Variants in CTNNA2 observed in about 807,000 individuals in gnomAD.
CTNNA2 encodes catenin alpha-2.
CTNNA2 carries 42 observed loss-of-function variants against 101.0 expected under a neutral mutation model. The ratio of observed to expected loss-of-function variants is 0.42; its 90% CI spans 0.32 to 0.54. The LOEUF (loss-of-function observed/expected upper bound fraction) is 0.54. CTNNA2 is among the 20% of genes least tolerant of loss of function. CTNNA2 has a pLI of 0.14. For synonymous variants in CTNNA2, 450 were observed against 456.4 expected (o/e 0.99, Z 0.18); for missense variants, 871 against 1,223.1 (o/e 0.71, Z 4.29).
At chr2:79,535,202 T>A (rs1043877561) in intron 1 of CTNNA2, among the ~76,000 whole-genome samples, 2 of 152,146 alleles carry the variant, frequency 1.3e-5, no homozygotes, top group Non-Finnish European at 2.9e-5. Context: ...AATAAACTAT[T>A]TTTCAATGAA....
At chr2:79,466,978 C>A (rs1326136382) in intron 4 of CTNNA2, among the ~76,000 whole-genome samples, 1 of 152,228 alleles carries the variant, frequency 6.6e-6, no homozygotes, top group Non-Finnish European at 1.5e-5. Context: ...GCCTCTCCCC[C>A]TCCAAAGGAA....
chr2:79,209,974 G>A (rs1357878999), intron 2 of CTNNA2, among the ~76,000 whole-genome samples: 1 of 151,878 alleles, frequency 6.6e-6, no homozygotes, highest in East Asian at 1.9e-4. Context: ...GTGTTGGGGG[G>A]GCGGGGGTGT....
chr2:79,664,661 A>G lies in CTNNA2; in HGVS notation c.102+13003A>G, dbSNP rs945394146. On this transcript the variant is annotated intron_variant, in intron 2 of 18. Transcript: ENST00000402739. ...TTGTTATTGTAGTTTCATCTCTGAA[A>G]CCATATATTGCTAATTTGTAAATTC... 7.3e-5 allele frequency among the ~76,000 whole-genome samples: 11 copies of G among 151,314 alleles called. No homozygotes were observed. The East Asian group carries it at 2.1e-3, about 29-fold the overall frequency.
At chr2:79,721,678 G>A (rs1315254822) in intron 2 of CTNNA2, among the ~76,000 whole-genome samples, 1 of 152,158 alleles carries the variant, frequency 6.6e-6, no homozygotes, top group Non-Finnish European at 1.5e-5. Flanking sequence ...CACTTTCTTT[G>A]TAATTGGTAC....
At chr2:80,187,122 G>T (rs1455853428) in intron 7 of CTNNA2, among the ~76,000 whole-genome samples, 1 of 152,128 alleles carries the variant, frequency 6.6e-6, no homozygotes, top group Non-Finnish European at 1.5e-5. Context: ...TGGTATTGTA[G>T]TACACACATT....
Position 80,133,737 on chromosome 2 carries a change from C to T in CTNNA2, c.1056+223940C>T, listed in dbSNP as rs985590163. Among the ~76,000 whole-genome samples the T allele has an allele frequency of 3.9e-5, 6 of 152,172 alleles. No homozygotes were observed. The South Asian group carries it at 8.3e-4, about 21-fold the overall frequency. Reference sequence around the variant, plus strand: ...ATAACCTTGACAGGTGTTCTTTAAACTACGGGTTGTTTTCTACTGAACTAC... The same window carrying T: ...ATAACCTTGACAGGTGTTCTTTAAATTACGGGTTGTTTTCTACTGAACTAC... On this transcript the variant is annotated intron_variant, in intron 7 of 18. Transcript: ENST00000402739.
chr2:80,592,492 A>G (rs548124734), intron 15 of CTNNA2, among the ~76,000 whole-genome samples: 2 of 152,174 alleles, frequency 1.3e-5, no homozygotes, highest in African/African-American at 2.4e-5. Context: ...CTTACAACCT[A>G]TTCCAAAAAG....
At chr2:80,612,814 C>G (rs1208668437) in intron 17 of CTNNA2, 1 of 151,084 alleles carries the variant, frequency 6.6e-6, no homozygotes, top group Non-Finnish European at 1.5e-5. Flanking sequence ...CAAAGTGTAA[C>G]AGTAATGAAA....
At chr2:79,796,498 A>AC (rs1433905758) in intron 3 of CTNNA2, among the ~76,000 whole-genome samples, 1 of 152,162 alleles carries the variant, frequency 6.6e-6, no homozygotes, top group Admixed American at 6.5e-5. Flanking sequence ...ATAAACAGAA[A>AC]AGGAACCCAG....
intron 1 of CTNNA2, among the ~76,000 whole-genome samples, chr2:79,563,570 G>T (rs931914443): frequency 7.2e-5 from 11 of 152,038 alleles, no homozygotes; most frequent in Admixed American, 2.0e-4. Flanking sequence ...GGTGGGGCAG[G>T]TTCCATATTT....
intron 2 of CTNNA2, among the ~76,000 whole-genome samples, chr2:79,309,049 T>A (rs1389079464): frequency 6.6e-6 from 1 of 152,160 alleles, no homozygotes; most frequent in African/African-American, 2.4e-5. Flanking sequence ...TATATGAGTA[T>A]ATTTTTGTAT....
rs984768484 is a variant in CTNNA2, at chr2:80,234,216, G to A, written c.1057-158995G>A. 4.6e-5 allele frequency among the ~76,000 whole-genome samples: 7 copies of A among 152,080 alleles called. No individual in the cohort carries two copies. The South Asian group carries it at 1.0e-3, about 23-fold the overall frequency. On this transcript the variant is annotated intron_variant, in intron 7 of 18. Coordinates refer to ENST00000402739, the MANE Select transcript of CTNNA2 (RefSeq NM_001282597.3). ...CCAGCTAATTTTTGTATTTTTAGTA[G>A]ACACAGGGTTTTGCCATGTTGGCCA...
At chr2:80,439,503 A>T (rs1227429073) in intron 9 of CTNNA2, among the ~76,000 whole-genome samples, 1 of 152,058 alleles carries the variant, frequency 6.6e-6, no homozygotes, top group African/African-American at 2.4e-5. Context: ...GGTTCAAGCA[A>T]TTCTCCTGTC....
intron 1 of CTNNA2, among the ~76,000 whole-genome samples, chr2:79,560,010 T>G (rs1674679201): frequency 6.6e-6 from 1 of 151,844 alleles, no homozygotes; most frequent in Non-Finnish European, 1.5e-5. Context: ...TATGTATATT[T>G]AACATCTCTA....
At chr2:79,751,635 G>A (rs903098816) in intron 3 of CTNNA2, among the ~76,000 whole-genome samples, 1 of 146,642 alleles carries the variant, frequency 6.8e-6, no homozygotes, top group South Asian at 2.2e-4. Flanking sequence ...AAGGAAATAT[G>A]ATAAGATGAT....
At chr2:80,115,287 C>T (rs999726313) in intron 7 of CTNNA2, among the ~76,000 whole-genome samples, 1 of 152,202 alleles carries the variant, frequency 6.6e-6, no homozygotes, top group Non-Finnish European at 1.5e-5. Flanking sequence ...TGAGTACCTG[C>T]ATTTGCAAGG....
At chr2:80,380,316 G>C (rs1280265523) in intron 7 of CTNNA2, among the ~76,000 whole-genome samples, 1 of 152,070 alleles carries the variant, frequency 6.6e-6, no homozygotes, top group African/African-American at 2.4e-5. Context: ...GATTACAGGC[G>C]TGAGCCACCG....
intron 7 of CTNNA2, among the ~76,000 whole-genome samples, chr2:80,234,718 A>G (rs527545607): frequency 6.6e-6 from 1 of 152,292 alleles, no homozygotes; most frequent in East Asian, 1.9e-4. Flanking sequence ...GAGGGGAAAT[A>G]AAAGGAATGA....
intron 7 of CTNNA2, among the ~76,000 whole-genome samples, chr2:79,984,122 G>T (rs919434689): frequency 2.0e-5 from 3 of 152,128 alleles, no homozygotes; most frequent in African/African-American, 4.8e-5. Flanking sequence ...TTTAGAATTG[G>T]CATGTTCAAT....
Sources: gnomAD v4.1 joint callset for allele counts (sites outside exome capture counted in the v4.1 genomes callset) on GRCh38, gnomAD v4.1.1 for gene constraint, MANE v1.5 for transcripts, NCBI Gene and HGNC (gene_info 2026-07-23, HGNC 2026-07-21) for gene names.